The following IGF2BP3 variants were observed in gnomAD, a reference collection of about 807,000 sequenced individuals.
IGF2BP3 encodes insulin-like growth factor 2 mRNA-binding protein 3.
A neutral mutation model predicts 73.8 loss-of-function variants in IGF2BP3; 9 were observed. The observed-to-expected ratio is 0.12, with a 90% CI of 0.07 to 0.21. The LOEUF is 0.21. Ranked by LOEUF, IGF2BP3 falls within the 10% of genes least tolerant of loss-of-function variation. IGF2BP3 has a pLI of 1.00. For missense variants in IGF2BP3, 542 were observed against 714.0 expected (o/e 0.76, Z 2.75); for synonymous variants, 258 against 256.7 (o/e 1.01, Z -0.05).
intron 3 of IGF2BP3, among the ~76,000 whole-genome samples, chr7:23,395,904 C>T (rs1475692060): frequency 6.6e-6 from 1 of 151,936 alleles, no homozygotes; most frequent in Non-Finnish European, 1.5e-5. Flanking sequence ...CCAGCCTGGG[C>T]AACAGAGCGA....
chr7:23,372,309 G>A (rs551178059), intron 3 of IGF2BP3, among the ~76,000 whole-genome samples: 54 of 152,036 alleles, frequency 3.6e-4, no homozygotes, highest in Middle Eastern at 3.4e-3. Context: ...TCCTGACCTC[G>A]TGATCTGCCC....
intron 3 of IGF2BP3, among the ~76,000 whole-genome samples, chr7:23,380,721 T>C (rs1562713926): frequency 6.6e-6 from 1 of 152,158 alleles, no homozygotes; most frequent in Non-Finnish European, 1.5e-5. Context: ...ATGACTAATA[T>C]CCTTTTAAGA....
chr7:23,365,018 T>C (rs778000114), intron 3 of IGF2BP3, among the ~76,000 whole-genome samples: 24 of 151,980 alleles, frequency 1.6e-4, no homozygotes, highest in Non-Finnish European at 2.9e-4. Context: ...ATACAAACAT[T>C]AGCCTGCAGT....
intron 2 of IGF2BP3, chr7:23,467,651 G>A (rs899013697): frequency 2.6e-5 from 4 of 152,260 alleles, no homozygotes; most frequent in African/African-American, 7.2e-5. Context: ...CGAAAGGAAA[G>A]GAGTCTCCAC....
chr7:23,403,766 T>C (rs745452208), intron 3 of IGF2BP3, among the ~76,000 whole-genome samples: 1 of 152,146 alleles, frequency 6.6e-6, no homozygotes, highest in African/African-American at 2.4e-5. Flanking sequence ...AAAATAAGAA[T>C]AGCACAATTC....
chr7:23,462,230 A>G (rs1481358725), intron 2 of IGF2BP3, among the ~76,000 whole-genome samples: 1 of 152,252 alleles, frequency 6.6e-6, no homozygotes, highest in Non-Finnish European at 1.5e-5. Context: ...TTATGCAGCA[A>G]TAGATAACTG....
intron 14 of IGF2BP3, 54 bp downstream of exon 14, chr7:23,312,681 G>A: frequency 8.0e-7 from 1 of 1,243,340 alleles, no homozygotes; most frequent in Non-Finnish European, 1.2e-6. Flanking sequence ...GCACCTGTGG[G>A]AGAATTGCTT....
intron 2 of IGF2BP3, among the ~76,000 whole-genome samples, chr7:23,459,410 A>C (rs891177622): frequency 3.9e-5 from 6 of 152,338 alleles, no homozygotes; most frequent in African/African-American, 1.4e-4. Context: ...GGAATACTTA[A>C]TTTATGCCAG....
chr7:23,372,264 G>A (rs1240009055), intron 3 of IGF2BP3, among the ~76,000 whole-genome samples: 7 of 152,020 alleles, frequency 4.6e-5, no homozygotes, highest in African/African-American at 1.4e-4. Flanking sequence ...TAGTAGAGAT[G>A]GGGTTTCACT....
At chr7:23,313,269 CAGG>C (rs1783884009) in intron 13 of IGF2BP3, among the ~76,000 whole-genome samples, 1 of 152,154 alleles carries the variant, frequency 6.6e-6, no homozygotes, top group African/African-American at 2.4e-5. Context: ...AAAGTTTTAT[CAGG>C]AGAACGTTAA....
intron 2 of IGF2BP3, among the ~76,000 whole-genome samples, chr7:23,456,007 C>T (rs373593459): frequency 1.3e-5 from 2 of 151,918 alleles, no homozygotes; most frequent in East Asian, 3.9e-4. Flanking sequence ...TCTTTCTAGC[C>T]CCTGAAACCT....
intron 2 of IGF2BP3, among the ~76,000 whole-genome samples, chr7:23,430,379 C>G (rs780093956): frequency 6.6e-6 from 1 of 152,174 alleles, no homozygotes; most frequent in African/African-American, 2.4e-5. Context: ...TGCCTTATTT[C>G]TTATGCAAAA....
chr7:23,435,494 C>T (rs918114814), intron 2 of IGF2BP3, among the ~76,000 whole-genome samples: 1 of 151,364 alleles, frequency 6.6e-6, no homozygotes, highest in African/African-American at 2.4e-5. Flanking sequence ...CGCTCTGTCG[C>T]CCAGGCTGGA....
At position 23,328,406 on chromosome 7, in the gene IGF2BP3, C is replaced by T. The variant is rs570255215; in HGVS notation, c.1204-9152G>A. 2.0e-5 allele frequency among the ~76,000 whole-genome samples: 3 copies of T among 152,260 alleles called. No homozygotes were observed. In the East Asian group the frequency reaches 5.8e-4, roughly 29 times the overall value. On this transcript the variant is annotated intron_variant, in intron 10 of 14. Coordinates refer to ENST00000258729, the MANE Select transcript of IGF2BP3 (RefSeq NM_006547.3). ...GTCTTTTTAGTAAAATTGGGTTTCA[C>T]CATACTGGTCAGGCTGGTCTCCAAC...
At chr7:23,432,890 C>A (rs1787721260) in intron 2 of IGF2BP3, among the ~76,000 whole-genome samples, 1 of 152,196 alleles carries the variant, frequency 6.6e-6, no homozygotes, top group African/African-American at 2.4e-5. Context: ...CCTCGGCCTA[C>A]CAAACTGCTA....
chr7:23,331,170 T>C lies in IGF2BP3; in HGVS notation c.1203+10894A>G, dbSNP rs570424928. On this transcript the variant is annotated intron_variant, in intron 10 of 14. Transcript: ENST00000258729. ...TTTCTTCCTTTCTTTAATAAATTTATTGACCATAAAATACATGTACTACCA... is the reference window on the plus strand; with the variant it reads ...TTTCTTCCTTTCTTTAATAAATTTACTGACCATAAAATACATGTACTACCA... Among the ~76,000 whole-genome samples the C allele has an allele frequency of 2.0e-5, 3 of 152,334 alleles. No homozygotes were observed. In the East Asian group the frequency reaches 5.8e-4, roughly 29 times the overall value.
intron 3 of IGF2BP3, among the ~76,000 whole-genome samples, chr7:23,398,771 G>A (rs1786563371): frequency 6.6e-6 from 1 of 152,070 alleles, no homozygotes; most frequent in African/African-American, 2.4e-5. Context: ...TATTTTTCTT[G>A]TAAATTTGTT....
chr7:23,359,638 C>T (rs1016576694), intron 5 of IGF2BP3, among the ~76,000 whole-genome samples: 5 of 151,948 alleles, frequency 3.3e-5, no homozygotes, highest in South Asian at 4.2e-4. Flanking sequence ...CTTGAGCCCA[C>T]GAGTTCAAGA....
At chr7:23,447,758 T>C (rs1205713437) in intron 2 of IGF2BP3, among the ~76,000 whole-genome samples, 1 of 151,994 alleles carries the variant, frequency 6.6e-6, no homozygotes, top group Non-Finnish European at 1.5e-5. Flanking sequence ...CAGGCAGATC[T>C]ACCTGAGCTC....
Sources: gnomAD v4.1 joint callset for allele counts (sites outside exome capture counted in the v4.1 genomes callset) on GRCh38, gnomAD v4.1.1 for gene constraint, MANE v1.5 for transcripts, NCBI Gene and HGNC (gene_info 2026-07-23, HGNC 2026-07-21) for gene names.